Variants in WDR35 observed in about 807,000 individuals in gnomAD.
The protein encoded by WDR35 is WD repeat-containing protein 35.
A neutral mutation model predicts 158.3 loss-of-function variants in WDR35; 118 were observed. That is an observed-to-expected ratio of 0.75 (90% CI 0.64 to 0.87). The LOEUF (loss-of-function observed/expected upper bound fraction) is 0.87. Among genes scored for constraint, WDR35 ranks in the 40% least tolerant of loss-of-function variants. WDR35 has a pLI of 0.00. For synonymous variants in WDR35, 448 were observed against 476.1 expected (o/e 0.94, Z 0.77); for missense variants, 1,263 against 1,405.8 (o/e 0.90, Z 1.62).
chr2:19,973,529 TAGAA>T (rs767275747), intron 8 of WDR35, 30 bp downstream of exon 8: 9 of 1,613,788 alleles, frequency 5.6e-6, no homozygotes, highest in African/African-American at 1.3e-5. Context: ...CACATTTAAA[TAGAA>T]AGAAAGAAGA....
intron 4 of WDR35, among the ~76,000 whole-genome samples, chr2:19,980,454 TTCATTTTGGAGATGGCCAACAGTCA>T (rs1421721966): frequency 6.6e-6 from 1 of 152,018 alleles, no homozygotes; most frequent in Non-Finnish European, 1.5e-5. Flanking sequence ...AGAGTCTAAG[TTCATTTTGGAGATGGCCAACAGTCA>T]CCTAATTCAC....
chr2:19,978,039 G>A (rs755319072), intron 5 of WDR35, among the ~76,000 whole-genome samples: 7 of 152,142 alleles, frequency 4.6e-5, no homozygotes, highest in South Asian at 2.1e-4. Flanking sequence ...CCATCTTAGC[G>A]CTTATCACAG....
chr2:19,969,004 T>C (rs996873049), intron 9 of WDR35, among the ~76,000 whole-genome samples: 1 of 152,226 alleles, frequency 6.6e-6, no homozygotes, highest in African/African-American at 2.4e-5. Flanking sequence ...TGAGTTGGAA[T>C]ATTTATTCCC....
chr2:19,971,853 T>G (rs1432856348), intron 8 of WDR35, among the ~76,000 whole-genome samples: 1 of 152,236 alleles, frequency 6.6e-6, no homozygotes, highest in Non-Finnish European at 1.5e-5. Context: ...CCTCATTACA[T>G]GCCAGGCACT....
At chr2:19,918,911 CG>C (rs1455777706) in intron 25 of WDR35, among the ~76,000 whole-genome samples, 3 of 152,156 alleles carry the variant, frequency 2.0e-5, no homozygotes, top group African/African-American at 7.2e-5. Flanking sequence ...TAGACATCTA[CG>C]GAACTCTCCA....
chr2:19,936,131 A>G lies in WDR35; in HGVS notation c.2414+88T>C. 2.5e-6 allele frequency: 4 copies of G among 1,578,118 alleles called. No homozygotes were observed. In the South Asian group the frequency reaches 4.6e-5, roughly 18 times the overall value. ...TTTAGAATTCAAGAAAATGATCTTCATTTCCCCAGGATTACTTCCTAGAGA... is the reference window on the plus strand; with the variant it reads ...TTTAGAATTCAAGAAAATGATCTTCGTTTCCCCAGGATTACTTCCTAGAGA... On this transcript the variant is annotated intron_variant, in intron 20 of 26. Coordinates refer to ENST00000281405, the MANE Select transcript of WDR35 (RefSeq NM_020779.4).
At chr2:19,923,391 C>T (rs182005643) in intron 25 of WDR35, among the ~76,000 whole-genome samples, 33 of 152,216 alleles carry the variant, frequency 2.2e-4, no homozygotes, top group East Asian at 1.9e-4. Context: ...AAGGGGAGCT[C>T]GGAAGCATCA....
At chr2:19,918,943 C>A (rs1558320727) in intron 25 of WDR35, among the ~76,000 whole-genome samples, 1 of 152,168 alleles carries the variant, frequency 6.6e-6, no homozygotes, top group Non-Finnish European at 1.5e-5. Context: ...ACAGAATATA[C>A]ATTCTTCTCA....
intron 25 of WDR35, among the ~76,000 whole-genome samples, chr2:19,925,991 C>T (rs545637699): frequency 1.3e-5 from 2 of 152,258 alleles, no homozygotes; most frequent in Non-Finnish European, 2.9e-5. Context: ...TAAAGAGAAA[C>T]CGGAGGCTTT....
chr2:19,978,788 T>A lies in WDR35; in HGVS notation c.399A>T (p.Val133=). ...WNADGQKICI[V]YEDGAVIVGS... ...CAACTATCACAGCCCCATCTTCATATACAATGCAGATCTTCTGTCCGTCAG... is the reference window on the plus strand; with the variant it reads ...CAACTATCACAGCCCCATCTTCATAAACAATGCAGATCTTCTGTCCGTCAG... Residue 133 remains valine, a synonymous_variant, in exon 5 of 27, where the codon GTA becomes GTT. Coordinates refer to ENST00000281405, the MANE Select transcript of WDR35 (RefSeq NM_020779.4). 6.2e-7 allele frequency: 1 copy of A among 1,613,900 alleles called. No individual in the cohort carries two copies. The highest frequency in any genetic ancestry group is 1.3e-5 in the African/African-American group (1 of 75,060).
intron 25 of WDR35, among the ~76,000 whole-genome samples, chr2:19,925,789 T>C (rs1160351023): frequency 6.6e-6 from 1 of 152,110 alleles, no homozygotes; most frequent in Non-Finnish European, 1.5e-5. Context: ...ATGCATGAAA[T>C]GGGGTATATC....
intron 2 of WDR35, 70 bp downstream of exon 2, chr2:19,989,095 T>G: frequency 7.6e-7 from 1 of 1,311,282 alleles, no homozygotes; most frequent in Non-Finnish European, 1.1e-6. Context: ...ACAGATAACA[T>G]GAGTAGACCG....
At chr2:19,950,777 C>G (rs1671210151) in intron 13 of WDR35, among the ~76,000 whole-genome samples, 1 of 152,174 alleles carries the variant, frequency 6.6e-6, no homozygotes, top group African/African-American at 2.4e-5. Context: ...AGCTTGCACC[C>G]TTGCTTTGTT....
Position 19,982,482 on chromosome 2 carries a change from C to T in WDR35, c.195G>A (p.Gln65=). Residue 65 remains glutamine, a synonymous_variant, in exon 3 of 27, where the codon CAG becomes CAA. Coordinates refer to ENST00000281405, the MANE Select transcript of WDR35 (RefSeq NM_020779.4). ...LAAPSNLSMN[Q]TLEGHSGSVQ... ...ACTCACCACTATGACCTTCAAGAGT[C>T]TGATTCATAGAAAGGTTACTGGGGG... 1 of 1,613,844 alleles carries T rather than the reference C, an allele frequency of 6.2e-7. No individual in the cohort carries two copies. The highest frequency in any genetic ancestry group is 8.5e-7 in the Non-Finnish European group (1 of 1,179,900).
Position 19,914,131 on chromosome 2 carries a change from G to C in WDR35, c.3268C>G (p.Gln1090Glu). The C allele has an allele frequency of 6.2e-7, 1 of 1,614,128 alleles. No individual in the cohort carries two copies. ...LKSLETLSSE[Q>E]KQQYEDLALE... is the part of the protein sequence containing the mutation. ...GCAAGGTCTTCATACTGCTGTTTCT[G>C]TTCTGAACTGAGGGTCTCTAAAGAT... Residue 1090 changes from glutamine to glutamate, a missense_variant, in exon 26 of 27, where the codon CAG becomes GAG. Coordinates refer to ENST00000281405, the MANE Select transcript of WDR35 (RefSeq NM_020779.4).
At chr2:19,969,801 G>A (rs1205718409) in intron 8 of WDR35, among the ~76,000 whole-genome samples, 196 bp from the exon 9 acceptor site, 1 of 149,608 alleles carries the variant, frequency 6.7e-6, no homozygotes, top group Non-Finnish European at 1.5e-5. Flanking sequence ...AGGCTGGAGT[G>A]CAGTGGCGTG....
chr2:19,982,461 A>T lies in WDR35; in HGVS notation c.214+2T>A. 1 of 1,613,508 alleles carries T rather than the reference A, an allele frequency of 6.2e-7. No homozygotes were observed. Among genetic ancestry groups the T allele is most frequent in the Non-Finnish European group, 8.5e-7 (1 of 1,179,688 alleles). On this transcript the variant is annotated splice_donor_variant, in intron 3 of 26. Transcript: ENST00000281405. LOFTEE classifies it high-confidence loss of function. ...TGACTTAAAAGAAATTGAATGACTCACCACTATGACCTTCAAGAGTCTGAT... is the reference window on the plus strand; with the variant it reads ...TGACTTAAAAGAAATTGAATGACTCTCCACTATGACCTTCAAGAGTCTGAT...
chr2:19,930,967 T>C (rs1298647389), intron 24 of WDR35, among the ~76,000 whole-genome samples: 2 of 152,226 alleles, frequency 1.3e-5, no homozygotes, highest in Admixed American at 1.3e-4. Flanking sequence ...CTAGGAAAGT[T>C]TTAAAACTCA....
chr2:19,928,127 T>G (rs201893511), intron 25 of WDR35, among the ~76,000 whole-genome samples: 1 of 152,202 alleles, frequency 6.6e-6, no homozygotes, highest in African/African-American at 2.4e-5. Context: ...TGTGGTTTAC[T>G]GGAATGAGGG....
Sources: allele counts gnomAD v4.1 joint callset (sites outside exome capture counted in the v4.1 genomes callset), GRCh38; gene constraint gnomAD v4.1.1; transcripts MANE v1.5; gene names NCBI Gene and HGNC (gene_info 2026-07-23, HGNC 2026-07-21).